The following NEK11 variants were observed in gnomAD, a reference collection of about 807,000 sequenced individuals.
NEK11 encodes the protein serine/threonine-protein kinase Nek11.
A neutral mutation model predicts 80.7 loss-of-function variants in NEK11; 72 were observed. That is an observed-to-expected ratio of 0.89 (90% CI 0.74 to 1.08). The LOEUF is 1.08. Ranked by LOEUF, NEK11 falls within the 50% of genes least tolerant of loss-of-function variation. The pLI, the probability that NEK11 is intolerant of heterozygous loss-of-function variation, is 0.00. For synonymous variants in NEK11, 251 were observed against 260.7 expected (o/e 0.96, Z 0.36); for missense variants, 764 against 763.6 (o/e 1.00, Z -0.01).
At chr3:131,099,264 C>G (rs1453470236) in intron 4 of NEK11, among the ~76,000 whole-genome samples, 1 of 152,154 alleles carries the variant, frequency 6.6e-6, no homozygotes, top group African/African-American at 2.4e-5. Context: ...TTGGCCTAGT[C>G]AGAGATCAGA....
intron 5 of NEK11, among the ~76,000 whole-genome samples, chr3:131,115,901 G>GTTTTCT (rs1261329944): frequency 6.5e-4 from 84 of 128,954 alleles, no homozygotes; most frequent in African/African-American, 1.8e-3. Context: ...GAAAGGTAGT[G>GTTTTCT]TTTTCTTTCT....
At chr3:131,266,402 G>T (rs529937714) in intron 16 of NEK11, among the ~76,000 whole-genome samples, 1 of 152,242 alleles carries the variant, frequency 6.6e-6, no homozygotes, top group Admixed American at 6.5e-5. Flanking sequence ...ATTCTGGTAC[G>T]TTGTGTCTTT....
intron 5 of NEK11, among the ~76,000 whole-genome samples, chr3:131,118,531 A>G (rs1406500274): frequency 6.6e-6 from 1 of 152,226 alleles, no homozygotes; most frequent in African/African-American, 2.4e-5. Context: ...TGATTAGAAT[A>G]ATTTCAGAAG....
intron 2 of NEK11, among the ~76,000 whole-genome samples, chr3:131,029,200 A>C (rs1475242241): frequency 6.6e-6 from 1 of 152,254 alleles, no homozygotes; most frequent in Non-Finnish European, 1.5e-5. Context: ...TTTGTAAACC[A>C]AAGTAAATAT....
intron 17 of NEK11, chr3:131,329,140 T>A (rs531517840): frequency 6.6e-6 from 1 of 152,218 alleles, no homozygotes; most frequent in South Asian, 2.1e-4. Flanking sequence ...TAAAGATGAT[T>A]GTGCAGGCCC....
chr3:131,085,788 C>T (rs1400022464), intron 4 of NEK11, among the ~76,000 whole-genome samples: 4 of 152,096 alleles, frequency 2.6e-5, no homozygotes, highest in Admixed American at 2.0e-4. Context: ...ATTATCAAAA[C>T]TAGGAAAATT....
chr3:131,208,854 G>T (rs1560977993), intron 14 of NEK11, among the ~76,000 whole-genome samples: 1 of 152,178 alleles, frequency 6.6e-6, no homozygotes, highest in South Asian at 2.1e-4. Flanking sequence ...TCAGTTTAAG[G>T]AGATTTTGGG....
intron 4 of NEK11, among the ~76,000 whole-genome samples, chr3:131,104,423 G>A (rs1214182703): frequency 1.3e-5 from 2 of 152,144 alleles, no homozygotes; most frequent in South Asian, 2.1e-4. Context: ...CATTCTGGAG[G>A]CCAATGACAG....
chr3:131,296,242 C>A (rs909440712), intron 17 of NEK11, among the ~76,000 whole-genome samples: 3 of 152,092 alleles, frequency 2.0e-5, no homozygotes, highest in Non-Finnish European at 4.4e-5. Context: ...TCTATAATTA[C>A]CATCACTCCA....
intron 3 of NEK11, among the ~76,000 whole-genome samples, chr3:131,056,930 A>G (rs577047915): frequency 6.6e-6 from 1 of 151,640 alleles, no homozygotes; most frequent in Non-Finnish European, 1.5e-5. Context: ...GTACATGTGC[A>G]CAATGTGCAG....
At chr3:131,269,087 C>T (rs1221183727) in intron 16 of NEK11, among the ~76,000 whole-genome samples, 1 of 152,232 alleles carries the variant, frequency 6.6e-6, no homozygotes, top group Admixed American at 6.5e-5. Flanking sequence ...ACCACCTACT[C>T]AAGCCTCAGT....
chr3:131,293,559 T>A (rs1487442572), intron 17 of NEK11, among the ~76,000 whole-genome samples: 4 of 150,148 alleles, frequency 2.7e-5, no homozygotes, highest in African/African-American at 1.0e-4. Flanking sequence ...AATTTTCTTA[T>A]AACATCTTTG....
rs146703642 is a variant in NEK11 at position 131,043,881 on chromosome 3, A to T, written c.170+14003A>T. Among the ~76,000 whole-genome samples the T allele has an allele frequency of 1.1e-4, 16 of 152,358 alleles. No individual in the cohort carries two copies. The East Asian group carries it at 2.9e-3, about 28-fold the overall frequency. ...GCCAGAGAGAAAGGTTGGTTTACCC[A>T]CAAAGGGAAGCCTATCAGACTAACA... On this transcript the variant is annotated intron_variant, in intron 3 of 17. Transcript: ENST00000383366.
chr3:131,203,897 C>G (rs1034114839), intron 14 of NEK11, among the ~76,000 whole-genome samples: 4 of 150,110 alleles, frequency 2.7e-5, no homozygotes, highest in Admixed American at 1.3e-4. Flanking sequence ...ATCTCTTTCT[C>G]TGACCTTCCC....
chr3:131,047,672 G>GA (rs2067622917), intron 3 of NEK11, among the ~76,000 whole-genome samples: 1 of 152,230 alleles, frequency 6.6e-6, no homozygotes, highest in Admixed American at 6.5e-5. Context: ...TGCTCCAGTG[G>GA]AGGTGGCAGG....
chr3:131,168,578 G>A (rs1186211028), intron 12 of NEK11, among the ~76,000 whole-genome samples: 1 of 151,662 alleles, frequency 6.6e-6, no homozygotes, highest in Non-Finnish European at 1.5e-5. Context: ...GGATGGTCTC[G>A]ATCTCCTGAC....
Position 131,152,104 on chromosome 3 carries a change from C to T in NEK11, c.648-284C>T, listed in dbSNP as rs375324275. ...ATTAATCAAATACTTAGAATTCTTA[C>T]TATGTGCAGGCATACTGTTAACTCT... On this transcript the variant is annotated intron_variant, in intron 7 of 17. Transcript: ENST00000383366. Among the ~76,000 whole-genome samples the T allele has an allele frequency of 2.1e-4, 32 of 152,066 alleles. 1 individual carries two copies. The highest frequency in any genetic ancestry group is 1.5e-3 in the Admixed American group (23 of 15,276).
At chr3:131,256,758 C>T (rs1290483972) in intron 16 of NEK11, among the ~76,000 whole-genome samples, 1 of 152,128 alleles carries the variant, frequency 6.6e-6, no homozygotes, top group Admixed American at 6.6e-5. Context: ...CTGAAGGCTT[C>T]ACTGGGGCTG....
intron 14 of NEK11, among the ~76,000 whole-genome samples, chr3:131,198,948 G>A (rs112626908): frequency 2.3e-4 from 35 of 152,300 alleles, no homozygotes; most frequent in African/African-American, 7.5e-4. Context: ...AGTTGCTTTA[G>A]GGTTTTGGGA....
Sources: gnomAD v4.1 joint callset for allele counts (sites outside exome capture counted in the v4.1 genomes callset) on GRCh38, gnomAD v4.1.1 for gene constraint, MANE v1.5 for transcripts, NCBI Gene and HGNC (gene_info 2026-07-23, HGNC 2026-07-21) for gene names.